AKT3: variants seen among roughly 807,000 people sequenced by gnomAD.
The protein encoded by AKT3 is AKT serine/threonine kinase 3, also known as RAC-gamma serine/threonine-protein kinase.
AKT3 carries 15 observed loss-of-function variants against 65.3 expected under a neutral mutation model. The ratio of observed to expected loss-of-function variants is 0.23; its 90% CI spans 0.15 to 0.35. The LOEUF (loss-of-function observed/expected upper bound fraction) is 0.35. Among genes scored for constraint, AKT3 ranks in the 10% least tolerant of loss-of-function variants. The probability of loss-of-function intolerance (pLI) is 1.00; values close to 1 mark genes in which losing one functional copy is unlikely to be tolerated. For missense variants in AKT3, 243 were observed against 576.5 expected, an observed-to-expected ratio of 0.42 and a Z score of 5.92; for synonymous variants, 206 against 183.8, an observed-to-expected ratio of 1.12 and a Z score of -0.98.
intron 2 of AKT3, among the ~76,000 whole-genome samples, chr1:243,829,238 T>TC (rs1476209301): frequency 6.6e-6 from 1 of 152,168 alleles, no homozygotes; most frequent in Non-Finnish European, 1.5e-5. Context: ...AAGAAAGGAA[T>TC]CACACGATAC....
At chr1:243,559,635 C>T (rs982842159) in intron 10 of AKT3, among the ~76,000 whole-genome samples, 1 of 152,006 alleles carries the variant, frequency 6.6e-6, no homozygotes, top group African/African-American at 2.4e-5. Context: ...TTCAAAATAC[C>T]CTTCACCTGT....
chr1:243,725,391 G>A (rs940756060), intron 2 of AKT3, among the ~76,000 whole-genome samples: 1 of 152,136 alleles, frequency 6.6e-6, no homozygotes, highest in Non-Finnish European at 1.5e-5. Context: ...TAGAGTGAGT[G>A]AAGTATTCCA....
intron 12 of AKT3, among the ~76,000 whole-genome samples, chr1:243,522,785 A>T (rs939807954): frequency 9.2e-5 from 14 of 152,338 alleles, no homozygotes; most frequent in African/African-American, 3.4e-4. Flanking sequence ...AGGTCTATTA[A>T]ACCAGAAATA....
Position 243,848,177 on chromosome 1 carries a change from T to C in AKT3, c.-113+1863A>G, listed in dbSNP as rs560876629. 9.8e-5 allele frequency among the ~76,000 whole-genome samples: 15 copies of C among 152,294 alleles called. No individual in the cohort carries two copies. In the East Asian group the frequency reaches 1.2e-3, roughly 12 times the overall value. The stretch of plus-strand genomic sequence containing the variant: ...ACTGGAACCTCAAGCCAATCAAAGA[T>C]ATTGGGGTCAACCCTAGTAAGGAAA... On this transcript the variant is annotated intron_variant, in intron 1 of 13. Coordinates refer to ENST00000673466, the MANE Select transcript of AKT3 (RefSeq NM_005465.7).
At chr1:243,603,791 TCATATGATACTTCTCTG>T (rs1403533573) in intron 8 of AKT3, among the ~76,000 whole-genome samples, 10 of 152,092 alleles carry the variant, frequency 6.6e-5, no homozygotes, top group Non-Finnish European at 1.2e-4. Context: ...AAACAGGAAA[TCATATGATACTTCTCTG>T]CATATTTATT....
chr1:243,617,850 T>G (rs570544012), intron 6 of AKT3, among the ~76,000 whole-genome samples: 1 of 152,030 alleles, frequency 6.6e-6, no homozygotes. Context: ...TTCTGAGATA[T>G]AAAGTTAACA....
At position 243,748,007 on chromosome 1, in the gene AKT3, C is replaced by T. The variant is rs192693466; in HGVS notation, c.47-52291G>A. Among the ~76,000 whole-genome samples the T allele has an allele frequency of 3.6e-3, 552 of 152,224 alleles. 1 individual carries two copies. The highest frequency in any genetic ancestry group is 6.1e-3 in the Admixed American group (93 of 15,294). ...TAAATTGTTTTATACTAAGGCCCAA[C>T]GGTTCTAGCAATGCTGTATAATCTC... On this transcript the variant is annotated intron_variant, in intron 2 of 13. Transcript: ENST00000673466.
intron 3 of AKT3, among the ~76,000 whole-genome samples, chr1:243,680,447 T>C (rs1477303485): frequency 6.6e-6 from 1 of 152,140 alleles, no homozygotes; most frequent in Admixed American, 6.5e-5. Flanking sequence ...ATTTCATTTT[T>C]TCATTAGCAT....
chr1:243,844,864 ACT>A (rs1695443995), intron 1 of AKT3, among the ~76,000 whole-genome samples: 1 of 152,136 alleles, frequency 6.6e-6, no homozygotes, highest in Non-Finnish European at 1.5e-5. Context: ...GCTTATTGTC[ACT>A]CTCAAACTAA....
chr1:243,631,447 C>A (rs1679606676), intron 6 of AKT3, among the ~76,000 whole-genome samples: 1 of 152,174 alleles, frequency 6.6e-6, no homozygotes, highest in Non-Finnish European at 1.5e-5. Flanking sequence ...TGCCATCACA[C>A]CCAACTAATT....
At chr1:243,845,373 G>A (rs528726774) in intron 1 of AKT3, among the ~76,000 whole-genome samples, 4 of 150,914 alleles carry the variant, frequency 2.7e-5, no homozygotes, top group Admixed American at 6.6e-5. Context: ...GGAGGCCAGG[G>A]CAGGAGGATC....
At position 243,820,536 on chromosome 1, in the gene AKT3, A is replaced by T. The variant is rs115962175; in HGVS notation, c.46+22589T>A. On this transcript the variant is annotated intron_variant, in intron 2 of 13. Transcript: ENST00000673466. The stretch of plus-strand genomic sequence containing the variant: ...AAGGAGCATGTTCAAACCCAATGCA[A>T]AGAAGCTATGAACCATGATAAAACA... Among the ~76,000 whole-genome samples the T allele has an allele frequency of 4.7e-3, 715 of 152,340 alleles. 5 individuals carry two copies. The highest frequency in any genetic ancestry group is 0.017 in the African/African-American group (691 of 41,574).
chr1:243,576,463 A>G (rs1172256089), intron 8 of AKT3, among the ~76,000 whole-genome samples: 2 of 152,168 alleles, frequency 1.3e-5, no homozygotes, highest in East Asian at 3.8e-4. Flanking sequence ...TTTGCAGATG[A>G]CATGATCCTG....
intron 2 of AKT3, among the ~76,000 whole-genome samples, chr1:243,821,571 AC>A (rs1297086228): frequency 1.3e-5 from 2 of 152,224 alleles, no homozygotes; most frequent in South Asian, 2.1e-4. Context: ...TAAGCTCAAA[AC>A]AAAGGAGTGG....
At chr1:243,699,512 T>TATATATATA (rs1253293936) in intron 2 of AKT3, among the ~76,000 whole-genome samples, 1 of 126,602 alleles carries the variant, frequency 7.9e-6, no homozygotes, top group African/African-American at 3.3e-5. Context: ...TATATATATA[T>TATATATATA]AATCTTCATG....
At chr1:243,586,138 T>C (rs987819873) in intron 8 of AKT3, among the ~76,000 whole-genome samples, 2 of 152,174 alleles carry the variant, frequency 1.3e-5, no homozygotes, top group Admixed American at 6.5e-5. Flanking sequence ...TGCACATCAC[T>C]AATCTTCAGG....
At chr1:243,541,025 T>C (rs1672280186) in intron 12 of AKT3, among the ~76,000 whole-genome samples, 1 of 152,210 alleles carries the variant, frequency 6.6e-6, no homozygotes, top group Non-Finnish European at 1.5e-5. Context: ...GTTTTCCAGA[T>C]CTCTCCACTG....
At chr1:243,753,703 A>C (rs73128270) in intron 2 of AKT3, among the ~76,000 whole-genome samples, 6,744 of 152,262 alleles carry the variant, frequency 0.044, 510 homozygotes, top group African/African-American at 0.15. Context: ...TTCCTCATCA[A>C]GACTCTCCAG....
chr1:243,750,422 C>T (rs1475842276), intron 2 of AKT3, among the ~76,000 whole-genome samples: 1 of 151,794 alleles, frequency 6.6e-6, no homozygotes, highest in Non-Finnish European at 1.5e-5. Context: ...CACACACACA[C>T]ACACACACAC....
Sources: allele counts gnomAD v4.1 joint callset (sites outside exome capture counted in the v4.1 genomes callset), GRCh38; gene constraint gnomAD v4.1.1; transcripts MANE v1.5; gene names NCBI Gene and HGNC (gene_info 2026-07-23, HGNC 2026-07-21).